The following AP2B1 variants were observed in gnomAD, a reference collection of about 807,000 sequenced individuals.
AP2B1 encodes adaptor related protein complex 2 subunit beta 1.
A neutral mutation model predicts 102.0 loss-of-function variants in AP2B1; 23 were observed. The ratio of observed to expected loss-of-function variants is 0.23; its 90% CI spans 0.16 to 0.32. The LOEUF is 0.32. Ranked by LOEUF, AP2B1 falls within the 10% of genes least tolerant of loss-of-function variation. The pLI, the probability that AP2B1 is intolerant of heterozygous loss-of-function variation, is 1.00. For synonymous variants in AP2B1, 381 were observed against 421.2 expected (o/e 0.90, Z 1.17); for missense variants, 541 against 1,157.4 (o/e 0.47, Z 7.73).
chr17:35,686,449 T>C (rs2075932860), intron 18 of AP2B1, among the ~76,000 whole-genome samples: 1 of 152,208 alleles, frequency 6.6e-6, no homozygotes, highest in South Asian at 2.1e-4. Flanking sequence ...GGACTGCTTT[T>C]TCAAGTCAGT....
At chr17:35,604,135 T>G (rs1237448969) in intron 3 of AP2B1, among the ~76,000 whole-genome samples, 1 of 152,042 alleles carries the variant, frequency 6.6e-6, no homozygotes, top group Non-Finnish European at 1.5e-5. Context: ...TGAGATGGGG[T>G]CTCTCTCTGT....
chr17:35,646,821 T>A (rs1183942856), intron 12 of AP2B1, among the ~76,000 whole-genome samples: 6 of 152,052 alleles, frequency 3.9e-5, no homozygotes. Flanking sequence ...ACCCCTGGCC[T>A]CAAGTGATCA....
In AP2B1 at chr17:35,627,508, C is replaced by G. The variant is rs10491114; in HGVS notation, c.1059+3C>G. ...CATCTCAAGCCAACATTGCTCAGGTCAGACTTTATGCAGACTCAAGTTGAT... is the reference window on the plus strand; with the variant it reads ...CATCTCAAGCCAACATTGCTCAGGTGAGACTTTATGCAGACTCAAGTTGAT... On this transcript the variant is annotated splice_donor_region_variant and intron_variant, in intron 8 of 21. Coordinates refer to ENST00000610402, the MANE Select transcript of AP2B1 (RefSeq NM_001030006.2). 62,493 of 1,613,868 alleles carry G rather than the reference C, an allele frequency of 0.039. 2,301 individuals are homozygous for G. The highest frequency in any genetic ancestry group is 0.16 in the East Asian group (7,378 of 44,876).
At chr17:35,631,047 T>A (rs370278086) in intron 9 of AP2B1, among the ~76,000 whole-genome samples, 4 of 152,274 alleles carry the variant, frequency 2.6e-5, no homozygotes, top group African/African-American at 9.6e-5. Flanking sequence ...CTGTATAGCT[T>A]TGGGAAGCAA....
intron 17 of AP2B1, among the ~76,000 whole-genome samples, chr17:35,680,317 T>G (rs1201434895): frequency 6.6e-6 from 1 of 152,212 alleles, no homozygotes; most frequent in East Asian, 1.9e-4. Flanking sequence ...TGTTATCTTC[T>G]AGGCCAATTT....
chr17:35,603,872 G>T (rs1397312984), intron 3 of AP2B1, among the ~76,000 whole-genome samples: 1 of 152,136 alleles, frequency 6.6e-6, no homozygotes, highest in Non-Finnish European at 1.5e-5. Context: ...GGAGCCACCC[G>T]CGAAAAGTCA....
Position 35,667,380 on chromosome 17 carries a change from G to C in AP2B1, c.1990-3477G>C, listed in dbSNP as rs565254846. ...AATTAGGTGAACCTTTGTATCCCTG[G>C]CTGTGTCTCTGATATCTTTTGGACC... On this transcript the variant is annotated intron_variant, in intron 14 of 21. Transcript: ENST00000610402. Among the ~76,000 whole-genome samples the C allele has an allele frequency of 2.0e-5, 3 of 152,204 alleles. No individual in the cohort carries two copies. In the South Asian group the frequency reaches 6.2e-4, roughly 32 times the overall value.
chr17:35,674,197 G>C lies in AP2B1; in HGVS notation c.2200G>C (p.Ala734Pro). 6.2e-7 allele frequency: 1 copy of C among 1,614,130 alleles called. No homozygotes were observed. The highest frequency in any genetic ancestry group is 8.5e-7 in the Non-Finnish European group (1 of 1,179,996). Residue 734 changes from alanine (A) to proline (P), a missense_variant, in exon 17 of 22, where the codon GCT becomes CCT. Transcript: ENST00000610402. Reference sequence around the variant, plus strand: ...TCAGGTCTGGCTACCTGCAGTAAAGGCTAAAGGCTTGGAGATTTCCGGAAC... The same window carrying C: ...TCAGGTCTGGCTACCTGCAGTAAAGCCTAAAGGCTTGGAGATTTCCGGAAC... Reference protein sequence around the residue: ...PKAVWLPAVKAKGLEISGTFT... With the variant: ...PKAVWLPAVKPKGLEISGTFT...
rs2085504861 is a variant in AP2B1, at chr17:35,725,618, T to G, written c.*1919T>G. The G allele has an allele frequency of 6.6e-6, 1 of 152,402 alleles. No homozygotes were observed. Among genetic ancestry groups the G allele is most frequent in the Admixed American group, 6.5e-5 (1 of 15,270 alleles). The allele number at this position is 152,402 out of a possible 1,614,324, so 9.4% of individuals were successfully genotyped here. On this transcript the variant is annotated 3_prime_UTR_variant, in exon 22 of 22. Transcript: ENST00000610402. ...GGCAGTAGGAAACAGCATAGGATTGTATGTGGGAGGTGGATAGGTCGGTGA... is the reference window on the plus strand; with the variant it reads ...GGCAGTAGGAAACAGCATAGGATTGGATGTGGGAGGTGGATAGGTCGGTGA...
chr17:35,671,717 C>T, intron 15 of AP2B1, 37 bp from the exon 16 acceptor site: 1 of 1,606,596 alleles, frequency 6.2e-7, no homozygotes, highest in Non-Finnish European at 8.5e-7. Flanking sequence ...ATCTGTTCTT[C>T]CCAATCTCCC....
At chr17:35,670,998 A>T in intron 15 of AP2B1, 100 bp downstream of exon 15, 1 of 1,239,300 alleles carries the variant, frequency 8.1e-7, no homozygotes, top group Middle Eastern at 1.9e-4. Flanking sequence ...GCTGTCTAGC[A>T]CTGCACACCA....
At chr17:35,668,666 A>G (rs556418998) in intron 14 of AP2B1, among the ~76,000 whole-genome samples, 11 of 152,342 alleles carry the variant, frequency 7.2e-5, no homozygotes, top group Non-Finnish European at 1.2e-4. Context: ...TTTAAAACAC[A>G]TATCAACCCT....
At chr17:35,625,802 G>A (rs1463667549) in intron 6 of AP2B1, among the ~76,000 whole-genome samples, 1 of 152,018 alleles carries the variant, frequency 6.6e-6, no homozygotes, top group African/African-American at 2.4e-5. Context: ...GGATGGCCAG[G>A]GAAGACCTCA....
intron 18 of AP2B1, among the ~76,000 whole-genome samples, chr17:35,699,591 A>C (rs1354184487): frequency 6.6e-6 from 1 of 152,202 alleles, no homozygotes; most frequent in Non-Finnish European, 1.5e-5. Flanking sequence ...TGTCCAGTTT[A>C]AAATGGAATT....
At chr17:35,715,936 A>T (rs1301760142) in intron 20 of AP2B1, among the ~76,000 whole-genome samples, 1 of 152,338 alleles carries the variant, frequency 6.6e-6, no homozygotes, top group East Asian at 1.9e-4. Flanking sequence ...GAAAGACATC[A>T]GGGTGAGAGC....
intron 5 of AP2B1, among the ~76,000 whole-genome samples, chr17:35,616,948 T>C (rs1892104269): frequency 6.6e-6 from 1 of 152,306 alleles, no homozygotes; most frequent in East Asian, 1.9e-4. Flanking sequence ...AGATTACAAA[T>C]AGTGCTTCTA....
intron 14 of AP2B1, 91 bp from the exon 15 acceptor site, chr17:35,670,766 G>A (rs2142952360): frequency 2.2e-6 from 3 of 1,340,946 alleles, no homozygotes; most frequent in Non-Finnish European, 3.2e-6. Context: ...CCAGCAACTT[G>A]GTAGAGCAAT....
intron 4 of AP2B1, among the ~76,000 whole-genome samples, chr17:35,606,895 C>A (rs1256577892): frequency 6.6e-6 from 1 of 151,758 alleles, no homozygotes; most frequent in Non-Finnish European, 1.5e-5. Context: ...ATAATGGGAT[C>A]ATTCCCATTA....
chr17:35,716,008 A>G (rs977660437), intron 20 of AP2B1, among the ~76,000 whole-genome samples: 1 of 152,144 alleles, frequency 6.6e-6, no homozygotes, highest in Non-Finnish European at 1.5e-5. Flanking sequence ...CATCTCCAAC[A>G]CCTATCAGAG....
Sources: gnomAD v4.1 joint callset for allele counts (sites outside exome capture counted in the v4.1 genomes callset) on GRCh38, gnomAD v4.1.1 for gene constraint, MANE v1.5 for transcripts, NCBI Gene and HGNC (gene_info 2026-07-23, HGNC 2026-07-21) for gene names.